The following GRM5 variants were observed in gnomAD, a reference collection of about 807,000 sequenced individuals.
GRM5 encodes glutamate metabotropic receptor 5, also known as metabotropic glutamate receptor 5.
In GRM5, 19 loss-of-function variants were observed where a neutral mutation model predicts 83.1. The ratio of observed to expected loss-of-function variants is 0.23; its 90% CI spans 0.16 to 0.34. The LOEUF (loss-of-function observed/expected upper bound fraction) is 0.34, where lower values mean the gene tolerates loss of function less well. Ranked by LOEUF, GRM5 falls within the 10% of genes least tolerant of loss-of-function variation. The probability of loss-of-function intolerance (pLI) is 1.00; values close to 1 mark genes in which losing one functional copy is unlikely to be tolerated. For missense variants in GRM5, 1,160 were observed against 1,588.3 expected (o/e 0.73, Z 4.58); for synonymous variants, 675 against 633.6 (o/e 1.07, Z -0.98).
intron 2 of GRM5, among the ~76,000 whole-genome samples, chr11:88,864,515 T>C (rs1462225178): frequency 6.6e-6 from 1 of 152,078 alleles, no homozygotes; most frequent in Non-Finnish European, 1.5e-5. Context: ...TTTTGCACAT[T>C]GATTTTGTAT....
rs1229370141 is a variant in GRM5 at position 89,041,384 on chromosome 11, A to G, written c.661+5828T>C. Among the ~76,000 whole-genome samples, 9 of 152,342 alleles carry G rather than the reference A, an allele frequency of 5.9e-5. No individual in the cohort carries two copies. In the East Asian group the frequency reaches 1.5e-3, roughly 26 times the overall value. On this transcript the variant is annotated intron_variant, in intron 2 of 9. Transcript: ENST00000305447. Reference sequence around the variant, plus strand: ...GTGGGAGTTTTCTAGTATTTTCAGCAATTGATGACAGCAATGGTGCCTAAG... The same window carrying G: ...GTGGGAGTTTTCTAGTATTTTCAGCGATTGATGACAGCAATGGTGCCTAAG...
chr11:88,814,334 C>A (rs979682669), intron 3 of GRM5, among the ~76,000 whole-genome samples: 1 of 152,164 alleles, frequency 6.6e-6, no homozygotes, highest in Non-Finnish European at 1.5e-5. Flanking sequence ...AGGACTCTGA[C>A]AATCCACAGA....
chr11:89,016,189 TTA>T lies in GRM5; in HGVS notation c.661+31021_661+31022del, dbSNP rs369980494. ...AATATGTTATAAATATATAGAACCA[TTA>T]TATATGTTATGTATTATACATATAT... On this transcript the variant is annotated intron_variant, in intron 2 of 9. Coordinates refer to ENST00000305447, the MANE Select transcript of GRM5 (RefSeq NM_001143831.3). Among the ~76,000 whole-genome samples, 897 of 149,696 alleles carry T rather than the reference TTA, an allele frequency of 6.0e-3. 3 individuals carry two copies. Among genetic ancestry groups the T allele is most frequent in the Non-Finnish European group, 0.01 (703 of 67,548 alleles).
chr11:89,041,863 T>C (rs1941541983), intron 2 of GRM5, among the ~76,000 whole-genome samples: 1 of 152,334 alleles, frequency 6.6e-6, no homozygotes, highest in African/African-American at 2.4e-5. Flanking sequence ...TGGTAACCAA[T>C]ATAATTATAC....
intron 7 of GRM5, among the ~76,000 whole-genome samples, chr11:88,585,211 T>G (rs542740795): frequency 6.6e-6 from 1 of 152,324 alleles, no homozygotes; most frequent in South Asian, 2.1e-4. Context: ...ACAGCCAGGT[T>G]TAACTGCTTC....
chr11:88,567,344 G>A lies in GRM5; in HGVS notation c.2339C>T (p.Thr780Met), dbSNP rs1173489364. The A allele has an allele frequency of 1.2e-6, 2 of 1,614,084 alleles. No individual in the cohort carries two copies. Among genetic ancestry groups the A allele is most frequent in the Non-Finnish European group, 1.7e-6 (2 of 1,179,942 alleles). The change falls in exon 8 of 10, where the codon ACG becomes ATG. Residue 780 changes from threonine (T) to methionine (M), a missense_variant. This residue lies in a region of GRM5 where 66 missense variants were observed against 138.6 expected (regional missense o/e 0.48). Transcript: ENST00000305447. The surrounding 1 kb of genome is among the most constrained non-coding windows in gnomAD (Gnocchi z 7.3). ...EAKYIAFTMY[T>M]TCIIWLAFVP... ...AAAAGCTAGCCATATAATGCAGGTC[G>A]TGTACATTGTGAAGGCGATATACTT...
In GRM5 at chr11:88,681,565, CTTTTTTTTTTTTT is replaced by C. The variant is rs796854617; in HGVS notation, c.912-28175_912-28163del. ...ATAAACTCAAGAGGTTGAGTTCTTC[CTTTTTTTTTTTTT>C]TTTTTTTTTTTGAGATGGAGTCTCG... On this transcript the variant is annotated intron_variant, in intron 3 of 9. Transcript: ENST00000305447. Among the ~76,000 whole-genome samples, 3 of 25,404 alleles carry C rather than the reference CTTTTTTTTTTTTT, an allele frequency of 1.2e-4. 1 individual carries two copies. Among genetic ancestry groups the C allele is most frequent in the South Asian group, 7.1e-3 (2 of 282 alleles). The allele number at this position is 25,404 out of a possible 152,430, so 16.7% of individuals were successfully genotyped here. A position where few individuals can be genotyped will look rare whatever the true frequency, so the allele number is the denominator to read the frequency against.
chr11:88,750,391 A>G (rs7115028), intron 3 of GRM5, among the ~76,000 whole-genome samples: 2 of 151,998 alleles, frequency 1.3e-5, no homozygotes, highest in Non-Finnish European at 2.9e-5. Context: ...AGAGCTAACT[A>G]TCCTAAATAT....
At chr11:88,835,620 G>C (rs1380397702) in intron 3 of GRM5, among the ~76,000 whole-genome samples, 2 of 151,410 alleles carry the variant, frequency 1.3e-5, no homozygotes, top group Non-Finnish European at 1.5e-5. Context: ...AATTACACTT[G>C]TTTTACAGAA....
rs138412342 is a variant in GRM5 at position 88,638,416 on chromosome 11, TTTTGTTTG to T, written c.1147+14744_1147+14751del. 6.0e-3 allele frequency among the ~76,000 whole-genome samples: 909 copies of T among 151,978 alleles called. 4 individuals are homozygous for T. The highest frequency in any genetic ancestry group is 0.014 in the Middle Eastern group (4 of 292). ...TATGAGGTATATTGGGGTATAATTG[TTTTGTTTG>T]TTTGTTTGTTTGTTTGTTTTGTTTT... On this transcript the variant is annotated intron_variant, in intron 4 of 9. Transcript: ENST00000305447.
intron 3 of GRM5, among the ~76,000 whole-genome samples, chr11:88,668,558 A>G (rs1940111367): frequency 6.6e-6 from 1 of 152,156 alleles, no homozygotes; most frequent in African/African-American, 2.4e-5. Flanking sequence ...CTCAAATAAC[A>G]TATTAGGAAA....
chr11:88,612,392 A>G (rs796093960), intron 4 of GRM5, among the ~76,000 whole-genome samples: 1 of 138,052 alleles, frequency 7.2e-6, no homozygotes, highest in Non-Finnish European at 1.6e-5. Context: ...GTTGGTTCCA[A>G]GTCTTTGCTA....
intron 3 of GRM5, among the ~76,000 whole-genome samples, chr11:88,762,233 T>C (rs1942536208): frequency 1.3e-5 from 2 of 151,956 alleles, no homozygotes; most frequent in Admixed American, 1.3e-4. Flanking sequence ...AAAGAAACTA[T>C]CAACAGAGTA....
chr11:88,910,487 GTT>G (rs1945477974), intron 2 of GRM5, among the ~76,000 whole-genome samples: 1 of 152,008 alleles, frequency 6.6e-6, no homozygotes, highest in Admixed American at 6.6e-5. Context: ...ACATTTAACT[GTT>G]TGTGGAACCA....
chr11:88,814,759 A>C (rs1206989855), intron 3 of GRM5, among the ~76,000 whole-genome samples: 1 of 152,208 alleles, frequency 6.6e-6, no homozygotes, highest in Non-Finnish European at 1.5e-5. Flanking sequence ...TAAACAAGCT[A>C]TCAGGCATAC....
Position 88,508,911 on chromosome 11 carries a change from G to A in GRM5, c.3320C>T (p.Thr1107Met), listed in dbSNP as rs546269389. ...GATTTCGGCAAAGGTCGTCATGGTC[G>A]TGGGCAACTGGATCTCTTTGGGGAT... ...YLIPKEIQLP[T>M]TMTTFAEIQP... Residue 1107 changes from threonine to methionine, a missense_variant, in exon 10 of 10, where the codon ACG (threonine) becomes ATG (methionine). Thr to Met is a moderately conservative substitution (Grantham distance 81, BLOSUM62 -1). Coordinates refer to ENST00000305447, the MANE Select transcript of GRM5 (RefSeq NM_001143831.3). The surrounding 1 kb of genome is among the most constrained non-coding windows in gnomAD (Gnocchi z 4.2). The A allele has an allele frequency of 1.2e-6, 2 of 1,600,996 alleles. No individual in the cohort carries two copies. The highest frequency in any genetic ancestry group is 4.5e-5 in the East Asian group (2 of 44,224).
chr11:88,885,464 T>G (rs1240768937), intron 2 of GRM5, among the ~76,000 whole-genome samples: 7,521 of 131,500 alleles, frequency 0.057, 718 homozygotes, highest in African/African-American at 0.12. Context: ...TTTTTTTTTT[T>G]TTTTTTTTTT....
At chr11:88,704,788 G>C (rs143447964) in intron 3 of GRM5, among the ~76,000 whole-genome samples, 10 of 151,648 alleles carry the variant, frequency 6.6e-5, no homozygotes, top group African/African-American at 2.2e-4. Context: ...CCTCTTCTTC[G>C]CTCTATACTT....
At chr11:88,885,736 G>A (rs1402540918) in intron 2 of GRM5, among the ~76,000 whole-genome samples, 1 of 152,106 alleles carries the variant, frequency 6.6e-6, no homozygotes, top group Non-Finnish European at 1.5e-5. Context: ...GAGATAGCAA[G>A]GGTTTGGGAA....
Sources: gnomAD v4.1 joint callset for allele counts (sites outside exome capture counted in the v4.1 genomes callset) on GRCh38, gnomAD v4.1.1 for gene constraint, gnomAD v4.1.1 regional missense constraint, Gnocchi (gnomAD v3.1) non-coding constraint, MANE v1.5 for transcripts, NCBI Gene and HGNC (gene_info 2026-07-23, HGNC 2026-07-21) for gene names.